The following MYH3 variants were observed in gnomAD, a reference collection of about 807,000 sequenced individuals.
MYH3 encodes the protein myosin heavy chain 3.
A neutral mutation model predicts 238.0 loss-of-function variants in MYH3; 130 were observed. That is an observed-to-expected ratio of 0.55 (90% CI 0.47 to 0.63). The LOEUF is 0.63. Among genes scored for constraint, MYH3 ranks in the 30% least tolerant of loss-of-function variants. The pLI is 0.00. For synonymous variants in MYH3, 880 were observed against 924.1 expected, an observed-to-expected ratio of 0.95 and a Z score of 0.86; for missense variants, 1,853 against 2,374.9, an observed-to-expected ratio of 0.78 and a Z score of 4.57.
upstream of MYH3, among the ~76,000 whole-genome samples, chr17:10,660,633 T>C (rs372446460): frequency 1.5e-3 from 231 of 150,304 alleles, 1 homozygote; most frequent in African/African-American, 4.7e-3. Context: ...GCCGAGATCA[T>C]GCCACTGCAC....
At chr17:10,628,848 T>C (rs2074120883) in intron 40 of MYH3, among the ~76,000 whole-genome samples, 169 bp from the exon 41 acceptor site, 1 of 152,128 alleles carries the variant, frequency 6.6e-6, no homozygotes, top group South Asian at 2.1e-4. Flanking sequence ...CCCCATAGCC[T>C]GAGAAACTGG....
At chr17:10,650,339 C>T (rs1419821399) in intron 6 of MYH3, 35 bp downstream of exon 6, 2 of 1,590,756 alleles carry the variant, frequency 1.3e-6, no homozygotes, top group South Asian at 2.2e-5. Context: ...GCCAGTGGCA[C>T]AGCTATGAAA....
intron 10 of MYH3, among the ~76,000 whole-genome samples, chr17:10,646,611 A>G (rs1226378962): frequency 6.6e-6 from 1 of 152,208 alleles, no homozygotes; most frequent in African/African-American, 2.4e-5. Flanking sequence ...AGGGGGCGCC[A>G]AAGGACAGTT....
Position 10,640,608 on chromosome 17 carries a change from T to C in MYH3, c.2244A>G (p.Ala748=). The change falls in exon 20 of 41, where the codon GCA becomes GCG. Residue 748 remains alanine, a synonymous_variant. Transcript: ENST00000583535. ...ACTGAGTGTGGTCAATATCAATGGA[T>C]GCCAGAAGCTTTTCACAGGCTTTCT... ...DSKKACEKLL[A]SIDIDHTQYK... is the part of the protein sequence containing the mutation. 1.2e-6 allele frequency: 2 copies of C among 1,614,270 alleles called. No individual in the cohort carries two copies. The highest frequency in any genetic ancestry group is 1.7e-6 in the Non-Finnish European group (2 of 1,180,038).
intron 3 of MYH3, among the ~76,000 whole-genome samples, chr17:10,653,598 G>A (rs746129504): frequency 7.2e-5 from 11 of 152,134 alleles, no homozygotes; most frequent in Admixed American, 1.3e-4. Context: ...CCACACCCTC[G>A]GGAAGCTGGA....
rs370346586 is a variant in MYH3, at chr17:10,644,564, C to A, written c.1260+20G>T. 5 of 1,613,400 alleles carry A rather than the reference C, an allele frequency of 3.1e-6. No homozygotes were observed. Among genetic ancestry groups the A allele is most frequent in the Non-Finnish European group, 4.2e-6 (5 of 1,179,302 alleles). ...TGGCCAGCAGGGTCCTGCACCCTTT[C>A]CCGGCCTTGAAGCTGTTACCTGATC... On this transcript the variant is annotated intron_variant, in intron 13 of 40. Transcript: ENST00000583535.
rs1341095591 is a variant in MYH3 at position 10,654,147 on chromosome 17, CTTTCTCTT to C, written c.204+706_204+713del. Among the ~76,000 whole-genome samples, 7 of 78,622 alleles carry C rather than the reference CTTTCTCTT, an allele frequency of 8.9e-5. No individual in the cohort carries two copies. Among genetic ancestry groups the C allele is most frequent in the African/African-American group, 1.4e-4 (4 of 29,296 alleles). 51.6% of individuals were successfully genotyped at this position (78,622 alleles called of 152,430 possible). ...CTTGTCTCTTTTATTTTCTTTCTTT[CTTTCTCTT>C]TCTTTCTTTCCTTCCTTCCTTGCTT... On this transcript the variant is annotated intron_variant, in intron 3 of 40. Coordinates refer to ENST00000583535, the MANE Select transcript of MYH3 (RefSeq NM_002470.4). This position sits in a 1 kb window ranked among gnomAD's most constrained non-coding sequence, Gnocchi z 4.5.
At chr17:10,634,311 C>T (rs895661436) in intron 31 of MYH3, 129 bp from the exon 32 acceptor site, 27 of 1,042,402 alleles carry the variant, frequency 2.6e-5, no homozygotes, top group African/African-American at 2.0e-4. Context: ...TCCTTGTTGT[C>T]GATTATTGGG....
intron 36 of MYH3, 27 bp from the exon 37 acceptor site, chr17:10,630,485 A>G: frequency 6.2e-7 from 1 of 1,613,974 alleles, no homozygotes; most frequent in Non-Finnish European, 8.5e-7. Context: ...ACTTGCTAGG[A>G]TGCAGAGGAA....
chr17:10,648,843 T>C (rs1032787492), intron 7 of MYH3, among the ~76,000 whole-genome samples, 194 bp from the exon 8 acceptor site: 1 of 152,062 alleles, frequency 6.6e-6, no homozygotes, highest in Non-Finnish European at 1.5e-5. Context: ...GCCCGGCTAA[T>C]TTTGTATTTT....
the MYH3 span, chr17:10,678,277 T>C: frequency 6.6e-6 from 1 of 152,164 alleles, no homozygotes; most frequent in South Asian, 2.1e-4. Context: ...TACCTAGAAA[T>C]TGGGACCCGA....
rs2074188069 is a variant in MYH3, at chr17:10,633,859, A to G, written c.4523-144T>C. On this transcript the variant is annotated intron_variant, in intron 32 of 40. Coordinates refer to ENST00000583535, the MANE Select transcript of MYH3 (RefSeq NM_002470.4). ...TAGAGATAAGATATTGTACAGAGAG[A>G]GGCTAAAACGTAACCCGTCAGATGG... The G allele has an allele frequency of 1.4e-5, 21 of 1,475,094 alleles. No individual in the cohort carries two copies. The South Asian group carries it at 2.4e-4, about 17-fold the overall frequency. 91.4% of individuals were successfully genotyped at this position (1,475,094 alleles called of 1,614,324 possible).
rs1216917021 is a variant in MYH3, at chr17:10,635,364, C to T, written c.4172+3G>A. 1 of 1,613,924 alleles carries T rather than the reference C, an allele frequency of 6.2e-7. No homozygotes were observed. Among genetic ancestry groups the T allele is most frequent in the African/African-American group, 1.3e-5 (1 of 74,942 alleles). On this transcript the variant is annotated splice_donor_region_variant and intron_variant, in intron 30 of 40. Coordinates refer to ENST00000583535, the MANE Select transcript of MYH3 (RefSeq NM_002470.4). ...TCTTCTAAAAGCAAACAGAGCTGCG[C>T]ACTTGGCCTCCTCCAGCTCTTCTGT...
rs1024890845 is a variant in MYH3 at position 10,651,498 on chromosome 17, C to T, written c.505+14G>A. ...CCTGCTCCAGCATCCCATGCTTCCT[C>T]CTGGGAAACTCACCAGTCAGCATGA... On this transcript the variant is annotated intron_variant, in intron 5 of 40. Transcript: ENST00000583535. 7 of 1,612,950 alleles carry T rather than the reference C, an allele frequency of 4.3e-6. No homozygotes were observed. The Admixed American group carries it at 5.0e-5, about 12-fold the overall frequency.
chr17:10,630,991 C>T (rs1403984109), intron 36 of MYH3, among the ~76,000 whole-genome samples: 2 of 152,186 alleles, frequency 1.3e-5, no homozygotes, highest in Non-Finnish European at 2.9e-5. Flanking sequence ...AGAACTTTAG[C>T]GACAGGCTGG....
At chr17:10,670,835 G>T in the MYH3 span, among the ~76,000 whole-genome samples, 7 of 152,024 alleles carry the variant, frequency 4.6e-5, no homozygotes. This position sits in a 1 kb window ranked among gnomAD's most constrained non-coding sequence, Gnocchi z 7.0. Flanking sequence ...CTATTTTAAT[G>T]GTTCTACGGT....
At position 10,635,386 on chromosome 17, in the gene MYH3, C is replaced by T. The variant is rs774853511; in HGVS notation, c.4153G>A (p.Glu1385Lys). The stretch of plus-strand genomic sequence containing the variant: ...GCGCACTTGGCCTCCTCCAGCTCTT[C>T]TGTGCGCTGGATGGCGTCCGTCTCG... ...KYETDAIQRT[E>K]ELEEAKKKLA... Residue 1385 changes from glutamate (E) to lysine (K), a missense_variant, in exon 30 of 41, where the codon GAA (glutamate) becomes AAA (lysine). Around this residue, in one of 3 missense-constraint regions of MYH3, gnomAD observed 1,044 missense variants for 1,192.6 expected, o/e 0.88. Transcript: ENST00000583535. 3 of 1,614,048 alleles carry T rather than the reference C, an allele frequency of 1.9e-6. No homozygotes were observed. Among genetic ancestry groups the T allele is most frequent in the Non-Finnish European group, 2.5e-6 (3 of 1,179,870 alleles).
rs563203862 is a variant in MYH3, at chr17:10,654,741, T to C, written c.204+120A>G. 2.2e-6 allele frequency: 2 copies of C among 924,448 alleles called. No homozygotes were observed. The highest frequency in any genetic ancestry group is 2.4e-5 in the East Asian group (1 of 41,764). 57.3% of individuals were successfully genotyped at this position (924,448 alleles called of 1,614,324 possible). A position where few individuals can be genotyped will look rare whatever the true frequency, so the allele number is the denominator to read the frequency against. ...CTGGGAAGCCCCAGGCTACATTGTA[T>C]GCGGCATTCCAGTGCTGGAACCACA... On this transcript the variant is annotated intron_variant, in intron 3 of 40. Transcript: ENST00000583535. This position sits in a 1 kb window ranked among gnomAD's most constrained non-coding sequence, Gnocchi z 4.5.
intron 17 of MYH3, among the ~76,000 whole-genome samples, chr17:10,641,736 G>A (rs1053416450): frequency 2.6e-5 from 4 of 152,010 alleles, no homozygotes; most frequent in East Asian, 3.9e-4. Flanking sequence ...GGATGGTCTC[G>A]ATCTTCTGAC....
Sources: gnomAD v4.1 joint callset for allele counts (sites outside exome capture counted in the v4.1 genomes callset) on GRCh38, gnomAD v4.1.1 for gene constraint, gnomAD v4.1.1 regional missense constraint, Gnocchi (gnomAD v3.1) non-coding constraint, MANE v1.5 for transcripts, NCBI Gene and HGNC (gene_info 2026-07-23, HGNC 2026-07-21) for gene names.